Variants in RUFY1 observed in about 807,000 individuals in gnomAD.
The protein encoded by RUFY1 is RUN and FYVE domain containing 1, also known as RUN and FYVE domain-containing protein 1.
A neutral mutation model predicts 94.6 loss-of-function variants in RUFY1; 54 were observed. The observed-to-expected ratio is 0.57, with a 90% CI of 0.46 to 0.72. The LOEUF (loss-of-function observed/expected upper bound fraction) is 0.72. Ranked by LOEUF, RUFY1 falls within the 30% of genes least tolerant of loss-of-function variation. The pLI is 0.00. For synonymous variants in RUFY1, 396 were observed against 347.3 expected (o/e 1.14, Z -1.56); for missense variants, 883 against 883.9 (o/e 1.00, Z 0.01).
intron 4 of RUFY1, among the ~76,000 whole-genome samples, chr5:179,567,893 G>A (rs1762952171): frequency 6.6e-6 from 1 of 151,986 alleles, no homozygotes; most frequent in South Asian, 2.1e-4. Context: ...GACAGAGTGA[G>A]ACTCCTTCTC....
intron 1 of RUFY1, chr5:179,559,674 A>C: frequency 9.7e-7 from 1 of 1,031,520 alleles, no homozygotes; most frequent in Non-Finnish European, 1.2e-6. Flanking sequence ...TCCTGTAGGT[A>C]GCGCCCTTCC....
intron 1 of RUFY1, among the ~76,000 whole-genome samples, chr5:179,559,466 C>G (rs1762273851): frequency 6.6e-6 from 1 of 152,190 alleles, no homozygotes; most frequent in South Asian, 2.1e-4. Flanking sequence ...TGCAGGCACC[C>G]GGCTGGCACT....
intron 5 of RUFY1, among the ~76,000 whole-genome samples, chr5:179,573,059 A>G (rs906895516): frequency 1.3e-5 from 2 of 152,204 alleles, no homozygotes; most frequent in Non-Finnish European, 2.9e-5. Flanking sequence ...CATATGTGAA[A>G]TATCCATAAT....
intron 12 of RUFY1, among the ~76,000 whole-genome samples, chr5:179,595,520 G>T (rs1056768927): frequency 2.0e-5 from 3 of 151,698 alleles, no homozygotes; most frequent in Non-Finnish European, 4.4e-5. Context: ...GGGCAGCTAC[G>T]GTTTCTTTTT....
At chr5:179,573,007 A>G (rs1763334583) in intron 5 of RUFY1, among the ~76,000 whole-genome samples, 1 of 152,190 alleles carries the variant, frequency 6.6e-6, no homozygotes, top group African/African-American at 2.4e-5. Flanking sequence ...CAATATCATC[A>G]TGTAATATAT....
chr5:179,569,517 C>CA, intron 5 of RUFY1, 92 bp downstream of exon 5: 1 of 1,330,572 alleles, frequency 7.5e-7, no homozygotes, highest in Non-Finnish European at 1.1e-6. Context: ...CAAAGAAGGG[C>CA]AAATGGCAAA....
At chr5:179,584,850 T>C (rs567386093) in intron 7 of RUFY1, among the ~76,000 whole-genome samples, 129 of 152,292 alleles carry the variant, frequency 8.5e-4, no homozygotes, top group African/African-American at 3.1e-3. Context: ...TAAAAACACC[T>C]TGGGACCGGG....
chr5:179,565,456 G>A (rs1418320580), intron 3 of RUFY1, among the ~76,000 whole-genome samples: 1 of 152,060 alleles, frequency 6.6e-6, no homozygotes, highest in Non-Finnish European at 1.5e-5. Context: ...TGGGATTACA[G>A]GTGTGAGCCA....
intron 6 of RUFY1, among the ~76,000 whole-genome samples, chr5:179,580,348 T>C (rs556181368): frequency 1.9e-3 from 282 of 151,312 alleles, no homozygotes; most frequent in African/African-American, 6.6e-3. Context: ...GTTCACGCCA[T>C]TCTCCTGCCT....
chr5:179,604,193 G>T (rs1394096324), intron 15 of RUFY1, among the ~76,000 whole-genome samples: 1 of 152,214 alleles, frequency 6.6e-6, no homozygotes, highest in Non-Finnish European at 1.5e-5. Context: ...ACAGCATCAG[G>T]TGTTTGCAAA....
At chr5:179,563,423 G>A (rs751700590) in intron 3 of RUFY1, among the ~76,000 whole-genome samples, 4 of 152,188 alleles carry the variant, frequency 2.6e-5, no homozygotes, top group Non-Finnish European at 2.9e-5. Flanking sequence ...ATCTACAAGT[G>A]TGGGAACTGA....
intron 14 of RUFY1, among the ~76,000 whole-genome samples, chr5:179,601,635 A>G (rs994922447): frequency 3.3e-5 from 5 of 150,970 alleles, no homozygotes; most frequent in Non-Finnish European, 7.4e-5. Context: ...CCTGGCCAAC[A>G]TGGTGAAACC....
intron 8 of RUFY1, among the ~76,000 whole-genome samples, chr5:179,588,931 A>G (rs985522631): frequency 1.3e-4 from 20 of 151,812 alleles, no homozygotes; most frequent in African/African-American, 9.7e-5. Context: ...GGGTTTCACC[A>G]TGTTGCCCAG....
chr5:179,596,593 G>A lies in RUFY1; in HGVS notation c.1543G>A (p.Ala515Thr), dbSNP rs199831256. ...GCACTCGGAGCGGGCGAGGCAGGGG[G>A]CTGAGGAGCGGAGCCACAAGCTGCA... ...LQHSERARQG[A>T]EERSHKLQQE... Residue 515 changes from alanine (A) to threonine (T), a missense_variant, in exon 13 of 18, where the codon GCT (alanine) becomes ACT (threonine). By Grantham distance (58) the Ala-to-Thr change is moderately conservative (BLOSUM62 0). Coordinates refer to ENST00000319449, the MANE Select transcript of RUFY1 (RefSeq NM_025158.5). The A allele has an allele frequency of 1.2e-5, 20 of 1,613,504 alleles. No homozygotes were observed. In the East Asian group the frequency reaches 4.5e-4, roughly 36 times the overall value.
At chr5:179,587,117 A>G (rs1391177315) in intron 8 of RUFY1, among the ~76,000 whole-genome samples, 1 of 150,934 alleles carries the variant, frequency 6.6e-6, no homozygotes, top group African/African-American at 2.4e-5. Flanking sequence ...GCAGTGGCGC[A>G]GTCATAGCTT....
rs778194408 is a variant in RUFY1, at chr5:179,608,516, G to C, written c.1983+857G>C. On this transcript the variant is annotated intron_variant, in intron 17 of 17. Transcript: ENST00000319449. ...CACCCAGGGAACCTGTTTAGAAAGG[G>C]ATCTACTCCACCCCCTTGGAATGCA... 5.1e-6 allele frequency: 5 copies of C among 985,544 alleles called. No individual in the cohort carries two copies. The East Asian group carries it at 3.4e-4, about 67-fold the overall frequency. 61.0% of individuals were successfully genotyped at this position (985,544 alleles called of 1,614,324 possible).
intron 16 of RUFY1, 134 bp downstream of exon 16, chr5:179,606,058 G>A (rs1767048368): frequency 7.6e-6 from 5 of 656,868 alleles, no homozygotes; most frequent in Non-Finnish European, 1.3e-5. Flanking sequence ...TGACAGAGAA[G>A]CCAAACGCTG....
chr5:179,565,186 T>G (rs1403124660), intron 3 of RUFY1, among the ~76,000 whole-genome samples: 1 of 141,660 alleles, frequency 7.1e-6, no homozygotes. Context: ...TTTTTTTTTT[T>G]TTTTTGAGAC....
chr5:179,552,358 CG>C, intron 1 of RUFY1, among the ~76,000 whole-genome samples: 1 of 152,116 alleles, frequency 6.6e-6, no homozygotes, highest in South Asian at 2.1e-4. Context: ...AGCACACACT[CG>C]AGGCTTCCTG....
Sources: gnomAD v4.1 joint callset for allele counts (sites outside exome capture counted in the v4.1 genomes callset) on GRCh38, gnomAD v4.1.1 for gene constraint, MANE v1.5 for transcripts, NCBI Gene and HGNC (gene_info 2026-07-23, HGNC 2026-07-21) for gene names.